Variants in SLC35F1 observed in about 807,000 individuals in gnomAD.
SLC35F1 encodes the protein chromosome 6 open reading frame 169.
Under a neutral mutation model 48.7 loss-of-function variants are expected in SLC35F1, and 14 were observed. The observed-to-expected ratio is 0.29, with a 90% confidence interval of 0.19 to 0.45. SLC35F1 has a LOEUF of 0.45. Among genes scored for constraint, SLC35F1 ranks in the 20% least tolerant of loss-of-function variants. The probability of loss-of-function intolerance (pLI) is 1.00; values close to 1 mark genes in which losing one functional copy is unlikely to be tolerated. For synonymous variants in SLC35F1, 190 were observed against 202.2 expected (o/e 0.94, Z 0.51); for missense variants, 404 against 500.0 (o/e 0.81, Z 1.83).
intron 2 of SLC35F1, among the ~76,000 whole-genome samples, chr6:118,165,647 C>T (rs1195695225): frequency 6.6e-6 from 1 of 152,204 alleles, no homozygotes; most frequent in African/African-American, 2.4e-5. Flanking sequence ...AGCAGTGCAG[C>T]TCCAAAGCAG....
intron 3 of SLC35F1, among the ~76,000 whole-genome samples, chr6:118,237,429 C>T (rs1775380249): frequency 6.6e-6 from 1 of 152,038 alleles, no homozygotes; most frequent in Non-Finnish European, 1.5e-5. Context: ...CACTTTGTTA[C>T]CCAGGCTGGA....
Position 118,167,452 on chromosome 6 carries a change from A to G in SLC35F1, c.349+12832A>G, listed in dbSNP as rs558579880. Among the ~76,000 whole-genome samples, 4 of 152,294 alleles carry G rather than the reference A, an allele frequency of 2.6e-5. No homozygotes were observed. In the South Asian group the frequency reaches 8.3e-4, roughly 32 times the overall value. Reference sequence around the variant, plus strand: ...ATGGTTAGCCTATATGGTAAAGCCTATTGCTCCTGGGGTACAAACTTGTAC... The same window carrying G: ...ATGGTTAGCCTATATGGTAAAGCCTGTTGCTCCTGGGGTACAAACTTGTAC... On this transcript the variant is annotated intron_variant, in intron 2 of 7. Coordinates refer to ENST00000360388, the MANE Select transcript of SLC35F1 (RefSeq NM_001029858.4).
intron 7 of SLC35F1, among the ~76,000 whole-genome samples, chr6:118,301,445 A>G (rs1776253903): frequency 6.6e-6 from 1 of 152,204 alleles, no homozygotes; most frequent in Non-Finnish European, 1.5e-5. Context: ...TGGAAATCAG[A>G]AAATGAGTTC....
At chr6:118,056,098 G>GTGAAACTTTTCTAAGTGTTTGTGTTGC (rs1772459088) in intron 1 of SLC35F1, among the ~76,000 whole-genome samples, 1 of 152,208 alleles carries the variant, frequency 6.6e-6, no homozygotes, top group Non-Finnish European at 1.5e-5. Context: ...TGAACCATTT[G>GTGAAACTTTTCTAAGTGTTTGTGTTGC]TGAAACTTTT....
At chr6:117,968,071 T>C (rs865969020) in intron 1 of SLC35F1, among the ~76,000 whole-genome samples, 13 of 152,334 alleles carry the variant, frequency 8.5e-5, no homozygotes, top group Middle Eastern at 3.4e-3. Flanking sequence ...GGTGTTTATG[T>C]GAATTGTATT....
At chr6:118,208,040 A>G (rs925601385) in intron 2 of SLC35F1, among the ~76,000 whole-genome samples, 2 of 152,146 alleles carry the variant, frequency 1.3e-5, no homozygotes, top group East Asian at 1.9e-4. Flanking sequence ...GGAAACATCA[A>G]GGGAAAGAGA....
chr6:117,932,455 C>T (rs1054154149), intron 1 of SLC35F1, among the ~76,000 whole-genome samples: 1 of 152,142 alleles, frequency 6.6e-6, no homozygotes, highest in Non-Finnish European at 1.5e-5. Flanking sequence ...ATTCTCTTAA[C>T]CATCATACTA....
At chr6:118,083,865 C>A (rs1772947204) in intron 1 of SLC35F1, among the ~76,000 whole-genome samples, 1 of 152,158 alleles carries the variant, frequency 6.6e-6, no homozygotes, top group South Asian at 2.1e-4. Context: ...ACTGTCTGTG[C>A]TATTGTCATG....
chr6:118,284,824 T>TA (rs1156763605), intron 6 of SLC35F1, among the ~76,000 whole-genome samples: 3 of 151,910 alleles, frequency 2.0e-5, no homozygotes, highest in South Asian at 2.1e-4. Flanking sequence ...AACTAAGAGG[T>TA]AAAAAAAAGT....
intron 1 of SLC35F1, among the ~76,000 whole-genome samples, chr6:117,969,588 G>A (rs1309801570): frequency 2.0e-5 from 3 of 152,066 alleles, no homozygotes; most frequent in African/African-American, 7.2e-5. Flanking sequence ...CTAGATGTGG[G>A]CCTGTGGTCC....
chr6:118,125,218 A>AGGC (rs1218722625), intron 1 of SLC35F1, among the ~76,000 whole-genome samples: 3 of 152,208 alleles, frequency 2.0e-5, no homozygotes, highest in African/African-American at 7.2e-5. Context: ...CTTTCAGACT[A>AGGC]CTGATTCAAA....
At chr6:118,008,362 C>A (rs540141993) in intron 1 of SLC35F1, among the ~76,000 whole-genome samples, 1 of 152,208 alleles carries the variant, frequency 6.6e-6, no homozygotes, top group Non-Finnish European at 1.5e-5. Flanking sequence ...AGGGTGTGCA[C>A]AGCAGGGGGC....
intron 1 of SLC35F1, among the ~76,000 whole-genome samples, chr6:118,127,630 C>A (rs566727506): frequency 6.6e-6 from 1 of 151,780 alleles, no homozygotes; most frequent in Non-Finnish European, 1.5e-5. Context: ...AAACTGGATC[C>A]CTTCCTTACA....
intron 2 of SLC35F1, among the ~76,000 whole-genome samples, chr6:118,164,536 A>G (rs762569896): frequency 1.1e-4 from 17 of 152,334 alleles, no homozygotes; most frequent in South Asian, 6.2e-4. Context: ...TCATCATTTC[A>G]TAAGTCAGGA....
intron 1 of SLC35F1, among the ~76,000 whole-genome samples, chr6:118,129,328 G>T (rs189977625): frequency 1.3e-5 from 2 of 152,116 alleles, no homozygotes; most frequent in Non-Finnish European, 2.9e-5. Context: ...GTGGGAATAC[G>T]AAGAAGCAGG....
chr6:118,108,343 C>T (rs187676674), intron 1 of SLC35F1, among the ~76,000 whole-genome samples: 1 of 152,242 alleles, frequency 6.6e-6, no homozygotes, highest in African/African-American at 2.4e-5. Context: ...CATATTGATG[C>T]CAGTGCCTAA....
At chr6:118,148,043 A>G (rs1774001114) in intron 1 of SLC35F1, among the ~76,000 whole-genome samples, 1 of 152,208 alleles carries the variant, frequency 6.6e-6, no homozygotes, top group Non-Finnish European at 1.5e-5. Context: ...GCAAACAAGA[A>G]TCTTGTCAAA....
chr6:117,972,559 C>A (rs1219939180), intron 1 of SLC35F1, among the ~76,000 whole-genome samples: 1 of 152,136 alleles, frequency 6.6e-6, no homozygotes, highest in Non-Finnish European at 1.5e-5. Context: ...TTCCACATAG[C>A]TAGGGAGGCC....
At chr6:118,251,367 C>G (rs931655561) in intron 3 of SLC35F1, among the ~76,000 whole-genome samples, 1 of 151,826 alleles carries the variant, frequency 6.6e-6, no homozygotes, top group South Asian at 2.1e-4. Flanking sequence ...ATGAGCTCTA[C>G]CCTTATAAAT....
Sources: gnomAD v4.1 joint callset for allele counts (sites outside exome capture counted in the v4.1 genomes callset) on GRCh38, gnomAD v4.1.1 for gene constraint, MANE v1.5 for transcripts, NCBI Gene and HGNC (gene_info 2026-07-23, HGNC 2026-07-21) for gene names.